Variants in DNAAF9 observed in about 807,000 individuals in gnomAD.
DNAAF9 encodes dynein axonemal assembly factor 9, also known as shulin.
Under a neutral mutation model 167.0 loss-of-function variants are expected in DNAAF9, and 90 were observed. The observed-to-expected ratio is 0.54, with a 90% CI of 0.45 to 0.64. The LOEUF is 0.64. Ranked by LOEUF, DNAAF9 falls within the 30% of genes least tolerant of loss-of-function variation. The pLI, the probability that DNAAF9 is intolerant of heterozygous loss-of-function variation, is 0.00. For synonymous variants in DNAAF9, 491 were observed against 508.8 expected, an observed-to-expected ratio of 0.96 and a Z score of 0.47; for missense variants, 1,315 against 1,442.2, an observed-to-expected ratio of 0.91 and a Z score of 1.43.
rs138791209 is a variant in DNAAF9 at position 3,356,096 on chromosome 20, C to G, written c.690+3420G>C. On this transcript the variant is annotated intron_variant, in intron 7 of 36. Transcript: ENST00000252032. ...CTGGAGGTGTGATCTTGGCTCACTG[C>G]AACTTCCATCTCTCGGGTTCAAGTG... Among the ~76,000 whole-genome samples, 399 of 152,300 alleles carry G rather than the reference C, an allele frequency of 2.6e-3. 4 individuals are homozygous for G. Among genetic ancestry groups the G allele is most frequent in the East Asian group, 0.018 (91 of 5,188 alleles).
At chr20:3,262,063 C>T (rs1316852256) in intron 31 of DNAAF9, among the ~76,000 whole-genome samples, 1 of 152,050 alleles carries the variant, frequency 6.6e-6, no homozygotes, top group Non-Finnish European at 1.5e-5. Context: ...GTGGCTCTGA[C>T]CCACGTGAGA....
intron 20 of DNAAF9, among the ~76,000 whole-genome samples, chr20:3,312,003 T>C (rs1215913866): frequency 6.6e-6 from 1 of 151,112 alleles, no homozygotes; most frequent in African/African-American, 2.4e-5. Flanking sequence ...TTCTTTTTTT[T>C]TTTGAGACAG....
At chr20:3,350,156 G>GACACACAGACACACACAC (rs2070291283) in intron 7 of DNAAF9, among the ~76,000 whole-genome samples, 12 of 89,950 alleles carry the variant, frequency 1.3e-4, no homozygotes, top group Non-Finnish European at 2.8e-4. Flanking sequence ...CAGACACACA[G>GACACACAGACACACACAC]ACACACACAC....
At chr20:3,354,251 C>G (rs991071554) in intron 7 of DNAAF9, among the ~76,000 whole-genome samples, 9 of 152,228 alleles carry the variant, frequency 5.9e-5, no homozygotes, top group African/African-American at 2.2e-4. Flanking sequence ...TTTTCCCCAA[C>G]ATAAACACTG....
chr20:3,360,508 A>G (rs1204092543), intron 6 of DNAAF9, among the ~76,000 whole-genome samples: 1 of 152,150 alleles, frequency 6.6e-6, no homozygotes, highest in Non-Finnish European at 1.5e-5. Flanking sequence ...TTACACAATG[A>G]ATTGCTTTTA....
chr20:3,294,521 A>G lies in DNAAF9; in HGVS notation c.2120+7T>C, dbSNP rs1486328110. 6.3e-7 allele frequency: 1 copy of G among 1,578,290 alleles called. No individual in the cohort carries two copies. Among genetic ancestry groups the G allele is most frequent in the Non-Finnish European group, 8.7e-7 (1 of 1,147,546 alleles). Reference sequence around the variant, plus strand: ...ATTAAACATCTATAAACAGAACCAGAGCTTACCAGTCCAGCTCTGGGAGTT... The same window carrying G: ...ATTAAACATCTATAAACAGAACCAGGGCTTACCAGTCCAGCTCTGGGAGTT... On this transcript the variant is annotated splice_region_variant and intron_variant, in intron 24 of 36. Transcript: ENST00000252032.
intron 16 of DNAAF9, among the ~76,000 whole-genome samples, chr20:3,321,269 G>A (rs1015057782): frequency 6.6e-6 from 1 of 152,184 alleles, no homozygotes; most frequent in Non-Finnish European, 1.5e-5. Context: ...TCATCACTGT[G>A]TGAACATTGT....
chr20:3,393,400 T>C (rs1163889537), intron 1 of DNAAF9, among the ~76,000 whole-genome samples: 1 of 152,078 alleles, frequency 6.6e-6, no homozygotes. Flanking sequence ...TGGTCCCAGC[T>C]ACTCAGGAGG....
chr20:3,376,094 T>C (rs1347089368), intron 4 of DNAAF9, 84 bp downstream of exon 4: 27 of 1,237,946 alleles, frequency 2.2e-5, no homozygotes, highest in Non-Finnish European at 3.1e-5. Context: ...GCAATTTGAT[T>C]GCTGATCCTA....
chr20:3,345,534 G>GA (rs1218104520), intron 8 of DNAAF9, among the ~76,000 whole-genome samples: 1 of 152,050 alleles, frequency 6.6e-6, no homozygotes, highest in Non-Finnish European at 1.5e-5. Flanking sequence ...TGATTTGAGG[G>GA]AAAAAATAAA....
At position 3,316,725 on chromosome 20, in the gene DNAAF9, G is replaced by A. The variant is rs779318442; in HGVS notation, c.1537C>T (p.Leu513=). Residue 513 remains leucine (L), a splice_region_variant and synonymous_variant, in exon 18 of 37, where the codon CTG becomes TTG. Transcript: ENST00000252032. The part of the protein sequence containing the change: ...TAAVPRFCSW[L]VEDNEVKLSE... ...TCCACCTGATGAATGACACTAACCA[G>A]CCAGGAGCAGAATCTGGGTACAGCA... The A allele has an allele frequency of 1.2e-6, 2 of 1,611,594 alleles. No homozygotes were observed. Among genetic ancestry groups the A allele is most frequent in the Non-Finnish European group, 1.7e-6 (2 of 1,177,954 alleles).
At chr20:3,318,111 T>C (rs967314978) in intron 17 of DNAAF9, among the ~76,000 whole-genome samples, 178 bp downstream of exon 17, 5 of 150,768 alleles carry the variant, frequency 3.3e-5, no homozygotes, top group Non-Finnish European at 7.4e-5. Context: ...TCTCTTTTTT[T>C]TTTTTTTTTG....
chr20:3,296,999 A>G (rs759558607), intron 22 of DNAAF9, 50 bp from the exon 23 acceptor site: 1 of 1,027,000 alleles, frequency 9.7e-7, no homozygotes, highest in South Asian at 1.3e-5. Flanking sequence ...CAACAACAGG[A>G]TATGGAAGCC....
At chr20:3,321,864 G>T (rs1444661851) in intron 16 of DNAAF9, among the ~76,000 whole-genome samples, 1 of 152,198 alleles carries the variant, frequency 6.6e-6, no homozygotes, top group Non-Finnish European at 1.5e-5. Context: ...AACTTAGTCT[G>T]TTAGTCAAGG....
intron 20 of DNAAF9, among the ~76,000 whole-genome samples, chr20:3,313,649 G>A (rs1317811307): frequency 6.6e-6 from 1 of 152,206 alleles, no homozygotes; most frequent in Non-Finnish European, 1.5e-5. Context: ...CAAGGTTTTT[G>A]AGGATTTCAT....
At chr20:3,373,270 T>C (rs1177490039) in intron 6 of DNAAF9, among the ~76,000 whole-genome samples, 1 of 152,200 alleles carries the variant, frequency 6.6e-6, no homozygotes, top group Admixed American at 6.5e-5. Context: ...GGGACCCACT[T>C]ACTCTCTCCC....
At chr20:3,288,308 G>T (rs975438817) in intron 26 of DNAAF9, among the ~76,000 whole-genome samples, 3 of 152,144 alleles carry the variant, frequency 2.0e-5, no homozygotes, top group African/African-American at 7.2e-5. Context: ...AAATCAGTAG[G>T]GCTTGGTGGC....
chr20:3,308,909 T>C (rs1221626817), intron 20 of DNAAF9, among the ~76,000 whole-genome samples: 1 of 152,080 alleles, frequency 6.6e-6, no homozygotes, highest in African/African-American at 2.4e-5. Context: ...CTGGTAGCTC[T>C]TATAAGGGCA....
intron 1 of DNAAF9, among the ~76,000 whole-genome samples, chr20:3,401,266 C>G (rs907988256): frequency 6.6e-6 from 1 of 151,994 alleles, no homozygotes; most frequent in East Asian, 1.9e-4. Flanking sequence ...AGTGCAGTGG[C>G]GCGATCTCAG....
Sources: gnomAD v4.1 joint callset for allele counts (sites outside exome capture counted in the v4.1 genomes callset) on GRCh38, gnomAD v4.1.1 for gene constraint, MANE v1.5 for transcripts, NCBI Gene and HGNC (gene_info 2026-07-23, HGNC 2026-07-21) for gene names.